The following ATXN8OS variants were observed in gnomAD, a reference collection of about 807,000 sequenced individuals.
ATXN8OS encodes ATXN8 opposite strand (non-protein coding).
chr13:70,155,935 G>A (rs1566616360), intron 4 of ATXN8OS, among the ~76,000 whole-genome samples: 2 of 151,894 alleles, frequency 1.3e-5, no homozygotes, highest in South Asian at 2.1e-4. Flanking sequence ...GCTTACCCAT[G>A]CTATTTTAAA....
intron 4 of ATXN8OS, among the ~76,000 whole-genome samples, chr13:70,162,369 A>C (rs1889019725): frequency 6.6e-6 from 1 of 152,108 alleles, no homozygotes; most frequent in Non-Finnish European, 1.5e-5. Context: ...AGCTGAACAA[A>C]CCCCCTAGAG....
rs1566606466 is a variant in ATXN8OS, at chr13:70,139,371, A to ACTGCTGCTGCTG, written n.500-7982_500-7981insGCTGCTGCTGCT. 3.1e-5 allele frequency: 20 copies of ACTGCTGCTGCTG among 643,260 alleles called. No individual in the cohort carries two copies. The Admixed American group carries it at 3.5e-4, about 11-fold the overall frequency. The allele number at this position is 643,260 out of a possible 1,614,324, so 39.8% of individuals were successfully genotyped here. A position where few individuals can be genotyped will look rare whatever the true frequency, so the allele number is the denominator to read the frequency against. On this transcript the variant is annotated intron_variant and non_coding_transcript_variant, in intron 3 of 4. Coordinates refer to ENST00000678624, the Ensembl canonical transcript of ATXN8OS. ...TGGCTTTACTACTACTACTACTACT[A>ACTGCTGCTGCTG]CTACTACTACTACTGCTGCTGCTGC...
At chr13:70,144,232 T>C (rs1002911950) in intron 3 of ATXN8OS, among the ~76,000 whole-genome samples, 2 of 152,176 alleles carry the variant, frequency 1.3e-5, no homozygotes, top group African/African-American at 4.8e-5. Flanking sequence ...TCTTATTAAG[T>C]ACAATTTTCT....
intron 4 of ATXN8OS, among the ~76,000 whole-genome samples, chr13:70,152,202 G>A (rs992417915): frequency 1.3e-5 from 2 of 151,768 alleles, no homozygotes; most frequent in Non-Finnish European, 2.9e-5. Flanking sequence ...CTTTCCACCT[G>A]GCCAATTTCT....
chr13:70,136,845 A>G (rs1454467910), intron 3 of ATXN8OS, among the ~76,000 whole-genome samples: 1 of 152,214 alleles, frequency 6.6e-6, no homozygotes, highest in Non-Finnish European at 1.5e-5. Flanking sequence ...TTCGTAGGGA[A>G]ATGAACAGAA....
At chr13:70,116,429 C>T (rs911645920) in intron 2 of ATXN8OS, among the ~76,000 whole-genome samples, 13 of 151,990 alleles carry the variant, frequency 8.6e-5, no homozygotes, top group Admixed American at 6.6e-5. Flanking sequence ...CGTGTATGAG[C>T]GACAGTGCCA....
chr13:70,115,433 A>C, intron 2 of ATXN8OS: 1 of 395,092 alleles, frequency 2.5e-6, no homozygotes, highest in Non-Finnish European at 4.5e-6. Context: ...GTGAAGAAAT[A>C]AGTTCAGACC....
chr13:70,157,326 A>G (rs1417370415), intron 4 of ATXN8OS, among the ~76,000 whole-genome samples: 1 of 152,164 alleles, frequency 6.6e-6, no homozygotes, highest in Non-Finnish European at 1.5e-5. Flanking sequence ...TTAAAAATAA[A>G]GAACATAATT....
At chr13:70,170,673 A>T (rs755607103) in exon 5 of ATXN8OS, among the ~76,000 whole-genome samples, 1 of 152,298 alleles carries the variant, frequency 6.6e-6, no homozygotes, top group South Asian at 2.1e-4. Context: ...GTGTGAAAAC[A>T]ATTTTTAAAA....
upstream of ATXN8OS, chr13:70,107,548 G>C: frequency 6.2e-7 from 1 of 1,609,002 alleles, no homozygotes; most frequent in Non-Finnish European, 8.5e-7. Context: ...ACTCTGGCTG[G>C]GTCCCCAGTG....
intron 4 of ATXN8OS, among the ~76,000 whole-genome samples, chr13:70,149,090 G>A (rs1888827732): frequency 3.3e-5 from 5 of 152,104 alleles, no homozygotes; most frequent in Admixed American, 3.3e-4. Flanking sequence ...TCTATTTAAT[G>A]TTGATGCCAC....
upstream of ATXN8OS, chr13:70,107,512 C>T: frequency 6.2e-7 from 1 of 1,611,740 alleles, no homozygotes; most frequent in Non-Finnish European, 8.5e-7. Context: ...GCTCACACCG[C>T]TTCTCTCTTG....
At chr13:70,117,093 T>A (rs972944604) in intron 2 of ATXN8OS, among the ~76,000 whole-genome samples, 2 of 152,136 alleles carry the variant, frequency 1.3e-5, no homozygotes, top group African/African-American at 4.8e-5. Context: ...CTTGTACTTA[T>A]GCAACATGAA....
chr13:70,144,828 C>T (rs61964573), intron 3 of ATXN8OS, among the ~76,000 whole-genome samples: 9,905 of 152,072 alleles, frequency 0.065, 523 homozygotes, highest in East Asian at 0.28. Context: ...AGTTTTCCAC[C>T]TTACATTTAG....
chr13:70,132,557 T>C (rs1343145988), intron 3 of ATXN8OS, among the ~76,000 whole-genome samples: 2 of 151,956 alleles, frequency 1.3e-5, no homozygotes. Context: ...TCCTAAACCT[T>C]AGCATACACA....
In ATXN8OS at chr13:70,169,604, A is replaced by C. The variant is rs893144794; in HGVS notation, n.574-149A>C. 3.9e-5 allele frequency among the ~76,000 whole-genome samples: 6 copies of C among 152,030 alleles called. 1 individual carries two copies. Among genetic ancestry groups the C allele is most frequent in the Admixed American group, 3.9e-4 (6 of 15,238 alleles). On this transcript the variant is annotated intron_variant and non_coding_transcript_variant, in intron 4 of 4. Transcript: ENST00000678624. ...CACGGCGCCCAGCCAGAAAACATTT[A>C]ATCTTTGAAAGAGTATTGTCATAAG...
chr13:70,163,839 C>A (rs1889039477), intron 4 of ATXN8OS, among the ~76,000 whole-genome samples: 1 of 150,022 alleles, frequency 6.7e-6, no homozygotes, highest in Non-Finnish European at 1.5e-5. Flanking sequence ...CTCTTGCAGT[C>A]CACCACTCTT....
At chr13:70,153,594 AAAC>A (rs1888900070) in intron 4 of ATXN8OS, among the ~76,000 whole-genome samples, 1 of 152,154 alleles carries the variant, frequency 6.6e-6, no homozygotes, top group Admixed American at 6.5e-5. Context: ...AAATAAAAAT[AAAC>A]AATTCTTATT....
chr13:70,118,642 A>G (rs1268664465), intron 2 of ATXN8OS, among the ~76,000 whole-genome samples: 1 of 152,088 alleles, frequency 6.6e-6, no homozygotes, highest in Non-Finnish European at 1.5e-5. Flanking sequence ...CAGTAAGCTA[A>G]CTTTTCTACA....
Sources: allele counts gnomAD v4.1 joint callset (sites outside exome capture counted in the v4.1 genomes callset), GRCh38; gene constraint gnomAD v4.1.1; transcripts MANE v1.5; gene names NCBI Gene and HGNC (gene_info 2026-07-23, HGNC 2026-07-21).